Variants in DDX11 observed in about 807,000 individuals in gnomAD.
The protein encoded by DDX11 is ATP-dependent DNA helicase DDX11.
Under a neutral mutation model 125.2 loss-of-function variants are expected in DDX11, and 72 were observed. The observed-to-expected ratio is 0.58, with a 90% confidence interval of 0.48 to 0.70. DDX11 has a LOEUF of 0.70. Ranked by LOEUF, DDX11 falls within the 30% of genes least tolerant of loss-of-function variation. DDX11 has a pLI of 0.00. For synonymous variants in DDX11, 347 were observed against 452.6 expected (o/e 0.77, Z 2.96); for missense variants, 883 against 1,165.0 (o/e 0.76, Z 3.52).
chr12:31,086,051 G>A (rs572004313), intron 5 of DDX11: 23 of 454,346 alleles, frequency 5.1e-5, no homozygotes, highest in Admixed American at 4.0e-4. Context: ...ACCTCCAGCC[G>A]CCATCCACCA....
At position 31,078,041 on chromosome 12, in the gene DDX11, C is replaced by T. The variant is rs1323450665; in HGVS notation, c.-4-349C>T. 1.9e-5 allele frequency: 8 copies of T among 432,022 alleles called. No homozygotes were observed. In the East Asian group the frequency reaches 5.4e-4, roughly 29 times the overall value. 26.8% of individuals were successfully genotyped at this position (432,022 alleles called of 1,614,324 possible). On this transcript the variant is annotated intron_variant, in intron 1 of 26. Transcript: ENST00000542838. The stretch of plus-strand genomic sequence containing the variant: ...GCTGCAAAAGTCATTATAAGCAACA[C>T]CCTTGATCTTAGGGGTGCTGGTCTG...
rs1366932794 is a variant in DDX11 at position 31,078,179 on chromosome 12, C to T, written c.-4-211C>T. Reference sequence around the variant, plus strand: ...TTCCTGGTCTGCATTCTGCTACAGCCGTTAAATGCCGCTAGATGGAGTGCG... The same window carrying T: ...TTCCTGGTCTGCATTCTGCTACAGCTGTTAAATGCCGCTAGATGGAGTGCG... On this transcript the variant is annotated intron_variant, in intron 1 of 26. Coordinates refer to ENST00000542838, the MANE Select transcript of DDX11 (RefSeq NM_030653.4). The T allele has an allele frequency of 1.1e-5, 17 of 1,499,174 alleles. No homozygotes were observed. The East Asian group carries it at 4.1e-4, about 36-fold the overall frequency. The allele number at this position is 1,499,174 out of a possible 1,614,324, so 92.9% of individuals were successfully genotyped here.
chr12:31,104,202 A>G lies in DDX11; in HGVS notation c.*366A>G. The G allele has an allele frequency of 9.3e-7, 1 of 1,075,760 alleles. No individual in the cohort carries two copies. Among genetic ancestry groups the G allele is most frequent in the Non-Finnish European group, 1.3e-6 (1 of 772,144 alleles). The allele number at this position is 1,075,760 out of a possible 1,614,324, so 66.6% of individuals were successfully genotyped here. Reference sequence around the variant, plus strand: ...GCATCTCCGTCCTGCCCACCTTCTTAAGAGGCGAGATGGAGCAGGCCCATC... The same window carrying G: ...GCATCTCCGTCCTGCCCACCTTCTTGAGAGGCGAGATGGAGCAGGCCCATC... On this transcript the variant is annotated 3_prime_UTR_variant, in exon 27 of 27. Coordinates refer to ENST00000542838, the MANE Select transcript of DDX11 (RefSeq NM_030653.4).
rs1944558433 is a variant in DDX11 at position 31,093,242 on chromosome 12, C to G, written c.1290-3C>G. On this transcript the variant is annotated splice_polypyrimidine_tract_variant and splice_region_variant and intron_variant, in intron 11 of 26. Transcript: ENST00000542838. ...CACTTAATGTCCGTTGGCTTCTTCT[C>G]AGGAAGCGTTTGAAGGCCAAGAACC... 1 of 1,611,848 alleles carries G rather than the reference C, an allele frequency of 6.2e-7. No individual in the cohort carries two copies. Among genetic ancestry groups the G allele is most frequent in the Non-Finnish European group, 8.5e-7 (1 of 1,178,838 alleles).
At chr12:31,098,170 C>T (rs1179223017) in intron 18 of DDX11, among the ~76,000 whole-genome samples, 173 bp downstream of exon 18, 5 of 152,276 alleles carry the variant, frequency 3.3e-5, no homozygotes, top group Middle Eastern at 6.8e-3. Context: ...ACTGCTGTGC[C>T]TTTTAGGCTG....
chr12:31,101,251 C>A (rs888963479), intron 20 of DDX11, 121 bp downstream of exon 20: 40 of 839,742 alleles, frequency 4.8e-5, no homozygotes, highest in Admixed American at 3.7e-4. Flanking sequence ...CACAGGGACA[C>A]CCGCTTAGAG....
intron 24 of DDX11, 148 bp from the exon 25 acceptor site, chr12:31,103,169 T>C: frequency 7.5e-7 from 1 of 1,334,012 alleles, no homozygotes; most frequent in Non-Finnish European, 1.1e-6. Context: ...CCACACCCTC[T>C]TGATCTTCCC....
chr12:31,081,767 T>G (rs1941987416), intron 2 of DDX11, among the ~76,000 whole-genome samples: 1 of 109,538 alleles, frequency 9.1e-6, no homozygotes, highest in Non-Finnish European at 1.8e-5. Context: ...TTTAACATTT[T>G]CCAGTCTAAA....
At chr12:31,088,066 G>C in intron 6 of DDX11, 83 bp downstream of exon 6, 1 of 1,573,394 alleles carries the variant, frequency 6.4e-7, no homozygotes, top group South Asian at 1.2e-5. Context: ...GGAGTCACTT[G>C]GCTACTTCTC....
intron 25 of DDX11, 59 bp downstream of exon 25, chr12:31,103,454 GA>G: frequency 6.2e-7 from 1 of 1,601,980 alleles, no homozygotes; most frequent in Admixed American, 1.7e-5. Context: ...GGGAGAACAG[GA>G]AAGAGGGGTT....
intron 23 of DDX11, 144 bp downstream of exon 23, chr12:31,102,671 G>A: frequency 1.3e-6 from 1 of 744,674 alleles, no homozygotes; most frequent in Non-Finnish European, 2.4e-6. Context: ...GGAGGGAGGG[G>A]CTCAGCAGCT....
At chr12:31,084,263 A>G (rs1168306291) in intron 3 of DDX11, among the ~76,000 whole-genome samples, 1 of 152,118 alleles carries the variant, frequency 6.6e-6, no homozygotes, top group African/African-American at 2.4e-5. Flanking sequence ...TTCTCCACAT[A>G]AGGAACTGTT....
chr12:31,093,055 A>G (rs913516988), intron 11 of DDX11, among the ~76,000 whole-genome samples, 163 bp downstream of exon 11: 3 of 151,842 alleles, frequency 2.0e-5, no homozygotes, highest in African/African-American at 7.3e-5. Flanking sequence ...TGTGCTGCAC[A>G]CAGACCTGGA....
chr12:31,080,638 C>T (rs569268209), intron 2 of DDX11, among the ~76,000 whole-genome samples: 2 of 152,008 alleles, frequency 1.3e-5, no homozygotes, highest in Non-Finnish European at 2.9e-5. Flanking sequence ...CTTTCCCTCT[C>T]TCCTAAAACA....
At chr12:31,081,328 C>T (rs1366073708) in intron 2 of DDX11, among the ~76,000 whole-genome samples, 1 of 152,192 alleles carries the variant, frequency 6.6e-6, no homozygotes, top group East Asian at 1.9e-4. Flanking sequence ...TGTGGGACAC[C>T]CTGAGTGGGG....
intron 1 of DDX11, 59 bp from the exon 2 acceptor site, chr12:31,078,331 C>T: frequency 1.9e-6 from 3 of 1,608,996 alleles, no homozygotes; most frequent in Non-Finnish European, 2.5e-6. Flanking sequence ...CTCCAGATTT[C>T]AAGCCACTTC....
At position 31,084,642 on chromosome 12, in the gene DDX11, G is replaced by A. The variant is rs768211929; in HGVS notation, c.453G>A (p.Val151=). Residue 151 remains valine (V), a synonymous_variant, in exon 4 of 27, where the codon GTG becomes GTA. Transcript: ENST00000542838. ...GCCTGCAGCAGCTGCAGCACAGGGTGCAGCTCAAGTATGCAGCCAAGCGCC... is the reference window on the plus strand; with the variant it reads ...GCCTGCAGCAGCTGCAGCACAGGGTACAGCTCAAGTATGCAGCCAAGCGCC... ...EERLQQLQHR[V]QLKYAAKRLR... is the part of the protein sequence containing the mutation. 3.8e-6 allele frequency: 6 copies of A among 1,592,354 alleles called. No homozygotes were observed. The African/African-American group carries it at 4.0e-5, about 11-fold the overall frequency.
chr12:31,092,815 G>C, intron 10 of DDX11, 31 bp from the exon 11 acceptor site: 4 of 1,610,712 alleles, frequency 2.5e-6, no homozygotes, highest in Non-Finnish European at 3.4e-6. Flanking sequence ...TCAGCTGCTT[G>C]CTCAGAGCCT....
rs148856317 is a variant in DDX11 at position 31,097,884 on chromosome 12, G to C, written c.1763-1G>C. 335 of 1,611,302 alleles carry C rather than the reference G, an allele frequency of 2.1e-4. No individual in the cohort carries two copies. The highest frequency in any genetic ancestry group is 5.1e-5 in the Non-Finnish European group (60 of 1,178,244). On this transcript the variant is annotated splice_acceptor_variant, in intron 17 of 26. Transcript: ENST00000542838. LOFTEE classifies it high-confidence loss of function. Reference sequence around the variant, plus strand: ...CACCTCCCACCGATCTGTTTTTCCAGGCAGCCTCAGTCAGAGCACCCTGAA... The same window carrying C: ...CACCTCCCACCGATCTGTTTTTCCACGCAGCCTCAGTCAGAGCACCCTGAA...
Sources: gnomAD v4.1 joint callset for allele counts (sites outside exome capture counted in the v4.1 genomes callset) on GRCh38, gnomAD v4.1.1 for gene constraint, MANE v1.5 for transcripts, NCBI Gene and HGNC (gene_info 2026-07-23, HGNC 2026-07-21) for gene names.